N4BP2L2: variants seen among roughly 807,000 people sequenced by gnomAD.
The protein encoded by N4BP2L2 is NEDD4 binding protein 2 like 2.
A neutral mutation model predicts 56.2 loss-of-function variants in N4BP2L2; 50 were observed. The observed-to-expected ratio is 0.89, with a 90% CI of 0.71 to 1.13. The LOEUF is 1.13. N4BP2L2 is among the 50% of genes most tolerant of loss of function. The pLI, the probability that N4BP2L2 is intolerant of heterozygous loss-of-function variation, is 0.00. For synonymous variants in N4BP2L2, 203 were observed against 223.6 expected, an observed-to-expected ratio of 0.91 and a Z score of 0.82; for missense variants, 689 against 693.8, an observed-to-expected ratio of 0.99 and a Z score of 0.08.
intron 6 of N4BP2L2, among the ~76,000 whole-genome samples, chr13:32,475,524 A>G (rs2139021762): frequency 6.6e-6 from 1 of 152,294 alleles, no homozygotes; most frequent in East Asian, 1.9e-4. Context: ...TATGACGTCT[A>G]CATAATGCAC....
At chr13:32,491,902 T>C (rs1320603462) in intron 6 of N4BP2L2, among the ~76,000 whole-genome samples, 1 of 152,118 alleles carries the variant, frequency 6.6e-6, no homozygotes, top group Non-Finnish European at 1.5e-5. Flanking sequence ...AGTGCTGGGA[T>C]TACAGGCATG....
chr13:32,446,131 G>A (rs1190353718), intron 6 of N4BP2L2, among the ~76,000 whole-genome samples: 1 of 152,188 alleles, frequency 6.6e-6, no homozygotes. Flanking sequence ...CCACTAGCCT[G>A]GTTTATTCCA....
At chr13:32,517,705 G>A in exon 6 of N4BP2L2, 1 of 1,473,922 alleles carries the variant, frequency 6.8e-7, no homozygotes, top group Non-Finnish European at 9.0e-7. Flanking sequence ...GTGAGGCACT[G>A]TAGCCTTTTT....
chr13:32,456,808 T>C (rs2079058260), intron 6 of N4BP2L2, among the ~76,000 whole-genome samples: 1 of 152,166 alleles, frequency 6.6e-6, no homozygotes, highest in Non-Finnish European at 1.5e-5. Context: ...TAAAGACAAG[T>C]CTTTTTAAAT....
At chr13:32,459,553 T>C (rs1486997779) in intron 6 of N4BP2L2, among the ~76,000 whole-genome samples, 1 of 152,046 alleles carries the variant, frequency 6.6e-6, no homozygotes, top group Non-Finnish European at 1.5e-5. Context: ...CTGGGACATA[T>C]ATACATCCTA....
At chr13:32,519,434 T>C (rs536555131) in intron 5 of N4BP2L2, among the ~76,000 whole-genome samples, 14 of 152,074 alleles carry the variant, frequency 9.2e-5, no homozygotes, top group South Asian at 4.2e-4. Flanking sequence ...GGTGGGTGGA[T>C]TGCTTGAGGT....
intron 6 of N4BP2L2, among the ~76,000 whole-genome samples, chr13:32,473,537 A>G (rs1255509267): frequency 6.6e-6 from 1 of 152,226 alleles, no homozygotes; most frequent in Non-Finnish European, 1.5e-5. Flanking sequence ...TTAAAATCAT[A>G]CAAGTTTATT....
chr13:32,442,240 G>T, intron 7 of N4BP2L2: 2 of 691,026 alleles, frequency 2.9e-6, no homozygotes, highest in Non-Finnish European at 4.7e-6. Context: ...ATCAAGCACC[G>T]TTTGCTATGG....
At position 32,465,699 on chromosome 13, in the gene N4BP2L2, G is replaced by A. The variant is rs2081095507; in HGVS notation, c.366-21573C>T. Among the ~76,000 whole-genome samples, 3 of 152,120 alleles carry A rather than the reference G, an allele frequency of 2.0e-5. No homozygotes were observed. In the South Asian group the frequency reaches 6.2e-4, roughly 32 times the overall value. ...GACAAAGTCTCCCTCTGCCACCCAGGCTGGAGTACAATGGCATGATCTCGG... is the reference window on the plus strand; with the variant it reads ...GACAAAGTCTCCCTCTGCCACCCAGACTGGAGTACAATGGCATGATCTCGG... On this transcript the variant is annotated intron_variant, in intron 6 of 9. Transcript: ENST00000357505.
chr13:32,505,241 G>A (rs1262161377), intron 6 of N4BP2L2: 1 of 152,220 alleles, frequency 6.6e-6, no homozygotes, highest in Non-Finnish European at 1.5e-5. Flanking sequence ...AAATCCAACA[G>A]ACTTCCTTCA....
chr13:32,442,371 A>C, intron 7 of N4BP2L2: 2 of 1,536,192 alleles, frequency 1.3e-6, no homozygotes, highest in Non-Finnish European at 8.7e-7. Context: ...TACTTTTAGC[A>C]AAAGAAAACA....
chr13:32,533,545 A>G lies in N4BP2L2; in HGVS notation c.1259+2224T>C, dbSNP rs574825877. Among the ~76,000 whole-genome samples, 53 of 138,470 alleles carry G rather than the reference A, an allele frequency of 3.8e-4. 1 individual carries two copies. The highest frequency in any genetic ancestry group is 7.7e-3 in the Middle Eastern group (2 of 260). The allele number at this position is 138,470 out of a possible 152,430, so 90.8% of individuals were successfully genotyped here. ...TTTTTTTTTTTTTTTTTTTTGAGAC[A>G]GGGTCTCAATCTGTCACCCAGGCTA... On this transcript the variant is annotated intron_variant, in intron 2 of 5. Coordinates refer to ENST00000267068, the Ensembl canonical transcript of N4BP2L2.
intron 6 of N4BP2L2, among the ~76,000 whole-genome samples, chr13:32,494,239 C>T (rs1001475967): frequency 2.0e-5 from 3 of 151,762 alleles, no homozygotes; most frequent in South Asian, 2.1e-4. Context: ...GCCAAGATTG[C>T]GTCACTCCAC....
At chr13:32,533,076 A>C (rs967141487) in intron 2 of N4BP2L2, among the ~76,000 whole-genome samples, 12 of 152,104 alleles carry the variant, frequency 7.9e-5, no homozygotes, top group African/African-American at 2.7e-4. Flanking sequence ...AATAATTGCA[A>C]AATTTTAACT....
chr13:32,443,245 G>A, exon 7 of N4BP2L2: 1 of 1,613,922 alleles, frequency 6.2e-7, no homozygotes, highest in Non-Finnish European at 8.5e-7. Flanking sequence ...ATTGTTTCCT[G>A]GTTCTGATGC....
At chr13:32,436,532 G>C in intron 8 of N4BP2L2, 2 of 395,864 alleles carry the variant, frequency 5.1e-6, no homozygotes, top group Non-Finnish European at 4.6e-6. Context: ...GCTCACGCCT[G>C]TAATCCCAGC....
At chr13:32,434,248 C>CTTTTTTTTTTTTTTTTTTT (rs369328452) in intron 9 of N4BP2L2, among the ~76,000 whole-genome samples, 3 of 112,038 alleles carry the variant, frequency 2.7e-5, no homozygotes, top group Non-Finnish European at 3.5e-5. Context: ...AGCTAATTTT[C>CTTTTTTTTTTTTTTTTTTT]TTTTTTTCTT....
chr13:32,469,450 A>T (rs2081889166), intron 6 of N4BP2L2, among the ~76,000 whole-genome samples: 2 of 152,172 alleles, frequency 1.3e-5, no homozygotes, highest in Non-Finnish European at 2.9e-5. Context: ...TGAGCAGGAC[A>T]TGCATGCCCA....
chr13:32,508,114 A>G (rs1293069424), downstream of N4BP2L2: 1 of 152,208 alleles, frequency 6.6e-6, no homozygotes, highest in Non-Finnish European at 1.5e-5. Flanking sequence ...TGAGTAGTCA[A>G]ATAAGAAGAG....
Sources: gnomAD v4.1 joint callset for allele counts (sites outside exome capture counted in the v4.1 genomes callset) on GRCh38, gnomAD v4.1.1 for gene constraint, MANE v1.5 for transcripts, NCBI Gene and HGNC (gene_info 2026-07-23, HGNC 2026-07-21) for gene names.